Variants in GIGYF2 observed in about 807,000 individuals in gnomAD.
GIGYF2 encodes the protein GRB10 interacting GYF protein 2.
In GIGYF2, 25 loss-of-function variants were observed where a neutral mutation model predicts 208.1. The ratio of observed to expected loss-of-function variants is 0.12; its 90% CI spans 0.09 to 0.17. The LOEUF (loss-of-function observed/expected upper bound fraction) is 0.17. GIGYF2 is among the 10% of genes least tolerant of loss of function. The probability of loss-of-function intolerance (pLI) is 1.00; values close to 1 mark genes in which losing one functional copy is unlikely to be tolerated. For missense variants in GIGYF2, 1,302 were observed against 1,579.4 expected (o/e 0.82, Z 2.98); for synonymous variants, 534 against 543.8 (o/e 0.98, Z 0.25).
At chr2:232,712,281 AC>A (rs1467193942) in intron 2 of GIGYF2, among the ~76,000 whole-genome samples, 6 of 152,368 alleles carry the variant, frequency 3.9e-5, no homozygotes, top group African/African-American at 1.4e-4. Flanking sequence ...TGAGCTTGTA[AC>A]CCAAAACAAT....
rs1701608815 is a variant in GIGYF2 at position 232,836,301 on chromosome 2, T to TAC, written c.2766+3209_2766+3210insCA. ...ATATATATATATATATATATATATATATATATATATATATATATATATATA... is the reference window on the plus strand; with the variant it reads ...ATATATATATATATATATATATATATACATATATATATATATATATATATATA... On this transcript the variant is annotated intron_variant, in intron 22 of 28. Transcript: ENST00000373563. 2.9e-4 allele frequency among the ~76,000 whole-genome samples: 5 copies of TAC among 16,982 alleles called. 1 individual carries two copies. Among genetic ancestry groups the TAC allele is most frequent in the African/African-American group, 8.0e-4 (4 of 5,012 alleles). The allele number at this position is 16,982 out of a possible 152,430, so 11.1% of individuals were successfully genotyped here.
intron 14 of GIGYF2, among the ~76,000 whole-genome samples, chr2:232,801,737 A>G (rs932628213): frequency 4.6e-5 from 7 of 152,222 alleles, no homozygotes; most frequent in African/African-American, 1.4e-4. Flanking sequence ...TCAAGAAAGA[A>G]ACATTGTTTT....
Position 232,847,529 on chromosome 2 carries a change from G to GCAGCAGCCGCCA in GIGYF2, c.3663_3674dup (p.Pro1222_Pro1225dup), listed in dbSNP as rs755084616. 6 of 1,607,118 alleles carry GCAGCAGCCGCCA rather than the reference G, an allele frequency of 3.7e-6. No homozygotes were observed. The highest frequency in any genetic ancestry group is 1.7e-5 in the Admixed American group (1 of 59,834). On this transcript the variant is annotated inframe_insertion, in exon 27 of 29. Coordinates refer to ENST00000373563, the MANE Select transcript of GIGYF2 (RefSeq NM_001103146.3). ...AGCAGCAGCTGCCACAGCAGCAGCAGCAGCAGCCGCCACAGCAGCCGCCAC... is the reference window on the plus strand; with the variant it reads ...AGCAGCAGCTGCCACAGCAGCAGCAGCAGCAGCCGCCACAGCAGCCGCCACAGCAGCCGCCAC...
chr2:232,762,872 A>G (rs1001825627), intron 8 of GIGYF2, among the ~76,000 whole-genome samples: 1 of 151,646 alleles, frequency 6.6e-6, no homozygotes, highest in Non-Finnish European at 1.5e-5. Context: ...CAAAAATTAG[A>G]CCTGCATGAT....
At chr2:232,769,359 C>T (rs543732425) in intron 8 of GIGYF2, among the ~76,000 whole-genome samples, 8 of 152,004 alleles carry the variant, frequency 5.3e-5, no homozygotes, top group South Asian at 2.1e-4. Flanking sequence ...CATGAAACCC[C>T]GTCTCTACTA....
intron 21 of GIGYF2, among the ~76,000 whole-genome samples, chr2:232,829,878 T>C (rs923412703): frequency 1.3e-5 from 2 of 152,236 alleles, no homozygotes; most frequent in Non-Finnish European, 2.9e-5. Context: ...GCTTTCTGAT[T>C]AGTAGACAGT....
At chr2:232,811,438 A>G (rs1037158947) in intron 17 of GIGYF2, 87 bp downstream of exon 17, 39 of 820,864 alleles carry the variant, frequency 4.8e-5, no homozygotes, top group African/African-American at 2.3e-4. Flanking sequence ...ATAGTGTGTG[A>G]TTTCTGGCAC....
intron 8 of GIGYF2, 57 bp downstream of exon 8, chr2:232,761,493 C>T: frequency 2.0e-6 from 2 of 984,130 alleles, no homozygotes; most frequent in Non-Finnish European, 3.3e-6. Context: ...ACTCAGTTAC[C>T]TGCACCTCTC....
intron 5 of GIGYF2, among the ~76,000 whole-genome samples, chr2:232,749,960 G>A (rs1049918053): frequency 6.6e-6 from 1 of 152,034 alleles, no homozygotes; most frequent in African/African-American, 2.4e-5. Flanking sequence ...CGAGGTGGGC[G>A]GATCACCTGA....
intron 5 of GIGYF2, among the ~76,000 whole-genome samples, chr2:232,754,202 A>T (rs1698444390): frequency 6.7e-6 from 1 of 149,458 alleles, no homozygotes; most frequent in Non-Finnish European, 1.5e-5. Flanking sequence ...GAGTTGTTTC[A>T]TTTTTTTTTT....
chr2:232,789,671 G>A (rs283475), intron 9 of GIGYF2, among the ~76,000 whole-genome samples: 1 of 151,802 alleles, frequency 6.6e-6, no homozygotes, highest in African/African-American at 2.4e-5. Flanking sequence ...TTTTTGCAAA[G>A]TTTGTCTCAA....
intron 23 of GIGYF2, among the ~76,000 whole-genome samples, chr2:232,840,784 G>A (rs1044242929): frequency 1.3e-5 from 2 of 152,170 alleles, no homozygotes; most frequent in Non-Finnish European, 2.9e-5. Context: ...TCCAAATTTA[G>A]GTAGTGTGTT....
chr2:232,784,391 T>TTTC (rs1699835150), intron 8 of GIGYF2, among the ~76,000 whole-genome samples: 1 of 120,172 alleles, frequency 8.3e-6, no homozygotes, highest in Non-Finnish European at 1.7e-5. Context: ...AATTTCTTTT[T>TTTC]TTTTTTTTTT....
At chr2:232,723,432 C>CTTTTT (rs371379851) in intron 2 of GIGYF2, among the ~76,000 whole-genome samples, 107 of 135,038 alleles carry the variant, frequency 7.9e-4, no homozygotes, top group Non-Finnish European at 1.0e-3. Flanking sequence ...CTTTTCTTTT[C>CTTTTT]TTTTTTTTTT....
chr2:232,801,963 A>T (rs1023633738), intron 14 of GIGYF2, among the ~76,000 whole-genome samples: 1 of 152,144 alleles, frequency 6.6e-6, no homozygotes. Context: ...AGTGTTTTGT[A>T]GTTTTCTTTG....
intron 23 of GIGYF2, among the ~76,000 whole-genome samples, chr2:232,841,561 C>G (rs1393281805): frequency 6.6e-6 from 1 of 151,768 alleles, no homozygotes; most frequent in Admixed American, 6.6e-5. Context: ...GTGATCCACC[C>G]GCCTCGGCCT....
rs1180763457 is a variant in GIGYF2, at chr2:232,729,990, GGAAGGCTGGCCTTTT to G, written c.-43-5164_-43-5150del. ...CTTGACCAAAGCCTTCTTCACTCCT[GGAAGGCTGGCCTTTT>G]CTTTTTCGTAAGACTTGATGTGATT... On this transcript the variant is annotated intron_variant, in intron 2 of 28. Coordinates refer to ENST00000373563, the MANE Select transcript of GIGYF2 (RefSeq NM_001103146.3). 21 of 736,830 alleles carry G rather than the reference GGAAGGCTGGCCTTTT, an allele frequency of 2.9e-5. No homozygotes were observed. In the East Asian group the frequency reaches 5.2e-4, roughly 18 times the overall value. 45.6% of individuals were successfully genotyped at this position (736,830 alleles called of 1,614,324 possible). A position where few individuals can be genotyped will look rare whatever the true frequency, so the allele number is the denominator to read the frequency against.
At chr2:232,743,545 G>C (rs561235585) in intron 3 of GIGYF2, among the ~76,000 whole-genome samples, 1 of 152,150 alleles carries the variant, frequency 6.6e-6, no homozygotes, top group East Asian at 1.9e-4. Flanking sequence ...GGTTTTTCGT[G>C]CTCCTCTCCC....
At chr2:232,795,078 T>C (rs1700183529) in intron 13 of GIGYF2, 134 bp downstream of exon 13, 1 of 736,274 alleles carries the variant, frequency 1.4e-6, no homozygotes, top group East Asian at 2.6e-5. Flanking sequence ...TTAGTGTTTA[T>C]TTGTACAAGT....
Sources: gnomAD v4.1 joint callset for allele counts (sites outside exome capture counted in the v4.1 genomes callset) on GRCh38, gnomAD v4.1.1 for gene constraint, MANE v1.5 for transcripts, NCBI Gene and HGNC (gene_info 2026-07-23, HGNC 2026-07-21) for gene names.